Variants in BAG2 observed in about 807,000 individuals in gnomAD.
The protein encoded by BAG2 is BAG cochaperone 2.
Under a neutral mutation model 16.4 loss-of-function variants are expected in BAG2, and 8 were observed. The ratio of observed to expected loss-of-function variants is 0.49; its 90% CI spans 0.29 to 0.88. The LOEUF (loss-of-function observed/expected upper bound fraction) is 0.88. Among genes scored for constraint, BAG2 ranks in the 40% least tolerant of loss-of-function variants. BAG2 has a pLI of 0.09. For missense variants in BAG2, 218 were observed against 248.9 expected (o/e 0.88, Z 0.84); for synonymous variants, 82 against 89.2 (o/e 0.92, Z 0.46).
chr6:57,172,592 G>A lies in BAG2; in HGVS notation c.-106G>A. 3.1e-6 allele frequency: 3 copies of A among 954,318 alleles called. No homozygotes were observed. Among genetic ancestry groups the A allele is most frequent in the Middle Eastern group, 7.3e-4 (2 of 2,728 alleles). The allele number at this position is 954,318 out of a possible 1,614,324, so 59.1% of individuals were successfully genotyped here. ...TGCCCCCGCGGGCGTCAGAGGGAGG[G>A]CGGGCGCCCGCGTGGTGACGGCGAC... On this transcript the variant is annotated 5_prime_UTR_variant, in exon 1 of 3. Transcript: ENST00000370693.
intron 1 of BAG2, chr6:57,174,333 T>C: frequency 7.7e-7 from 1 of 1,304,152 alleles, no homozygotes. Context: ...AGGTTGTTAC[T>C]CCACTCCGCC....
At chr6:57,178,509 T>C (rs1764348286) in intron 1 of BAG2, among the ~76,000 whole-genome samples, 1 of 152,168 alleles carries the variant, frequency 6.6e-6, no homozygotes, top group Non-Finnish European at 1.5e-5. Flanking sequence ...AAACAATTCC[T>C]GCTGAAGCAA....
At chr6:57,174,175 C>T (rs774263270) in intron 1 of BAG2, 32 of 1,077,134 alleles carry the variant, frequency 3.0e-5, no homozygotes, top group Non-Finnish European at 3.5e-5. Flanking sequence ...TACTTGAAGT[C>T]CCTCTAACTG....
In BAG2 at chr6:57,189,551, G is replaced by T. The variant is rs1008360611; in HGVS notation, c.*5361G>T. 1.3e-5 allele frequency: 2 copies of T among 152,272 alleles called. No homozygotes were observed. Among genetic ancestry groups the T allele is most frequent in the African/African-American group, 4.8e-5 (2 of 41,428 alleles). The allele number at this position is 152,272 out of a possible 1,614,324, so 9.4% of individuals were successfully genotyped here. On this transcript the variant is annotated 3_prime_UTR_variant, in exon 3 of 3. Transcript: ENST00000370693. ...TTTGGCTGACCTTATGAGAGCAGGA[G>T]CTCACCATGCTTATGGGTGACTATA...
chr6:57,178,675 A>C (rs910781739), intron 1 of BAG2, among the ~76,000 whole-genome samples: 1 of 152,150 alleles, frequency 6.6e-6, no homozygotes, highest in Non-Finnish European at 1.5e-5. Context: ...GAAATGAAAA[A>C]GGTATACATA....
intron 1 of BAG2, among the ~76,000 whole-genome samples, chr6:57,177,823 A>G (rs1196638797): frequency 6.6e-6 from 1 of 152,066 alleles, no homozygotes; most frequent in Non-Finnish European, 1.5e-5. Flanking sequence ...TTTGCGCAAA[A>G]TTGCTGTTGT....
intron 1 of BAG2, among the ~76,000 whole-genome samples, chr6:57,177,519 A>G (rs1764315012): frequency 1.3e-5 from 2 of 152,226 alleles, no homozygotes. Context: ...ATCATTAATA[A>G]ATAAGCCCAC....
Position 57,187,402 on chromosome 6 carries a change from A to G in BAG2, c.*3212A>G, listed in dbSNP as rs1764642486. On this transcript the variant is annotated 3_prime_UTR_variant, in exon 3 of 3. Coordinates refer to ENST00000370693, the MANE Select transcript of BAG2 (RefSeq NM_004282.4). ...ATGATGAGAGACTTACATGTTTTATAGCTGAAAACCTAAGGAGTGACAATA... is the reference window on the plus strand; with the variant it reads ...ATGATGAGAGACTTACATGTTTTATGGCTGAAAACCTAAGGAGTGACAATA... The G allele has an allele frequency of 1.3e-5, 2 of 152,322 alleles. No individual in the cohort carries two copies. The highest frequency in any genetic ancestry group is 3.4e-3 in the Middle Eastern group (1 of 294). 9.4% of individuals were successfully genotyped at this position (152,322 alleles called of 1,614,324 possible).
chr6:57,174,284 C>A, intron 1 of BAG2: 1 of 1,301,792 alleles, frequency 7.7e-7, no homozygotes. Flanking sequence ...ATTCTCCTCT[C>A]CCTTAGCCAG....
chr6:57,187,389 T>C lies in BAG2; in HGVS notation c.*3199T>C, dbSNP rs1478982247. On this transcript the variant is annotated 3_prime_UTR_variant, in exon 3 of 3. Transcript: ENST00000370693. ...TGAATTCATCTGTATGATGAGAGAC[T>C]TACATGTTTTATAGCTGAAAACCTA... 1 of 152,170 alleles carries C rather than the reference T, an allele frequency of 6.6e-6. No homozygotes were observed. The highest frequency in any genetic ancestry group is 1.5e-5 in the Non-Finnish European group (1 of 68,026). 9.4% of individuals were successfully genotyped at this position (152,170 alleles called of 1,614,324 possible).
chr6:57,178,215 A>G (rs1292126302), intron 1 of BAG2, among the ~76,000 whole-genome samples: 1 of 152,212 alleles, frequency 6.6e-6, no homozygotes, highest in African/African-American at 2.4e-5. Context: ...CCAGACGAAA[A>G]TAACAGAAGG....
In BAG2 at chr6:57,183,772, T is replaced by G; in HGVS notation, c.224-6T>G. The G allele has an allele frequency of 6.5e-7, 1 of 1,547,336 alleles. No individual in the cohort carries two copies. The highest frequency in any genetic ancestry group is 2.0e-5 in the Admixed American group (1 of 49,014). ...AGATAAGTTTACATCTCATATTGAT[T>G]TTTAGGAGAAAGAGAAGAATTAAAT... On this transcript the variant is annotated splice_region_variant and splice_polypyrimidine_tract_variant and intron_variant, in intron 2 of 2. Coordinates refer to ENST00000370693, the MANE Select transcript of BAG2 (RefSeq NM_004282.4).
Position 57,187,444 on chromosome 6 carries a change from T to TAACA in BAG2, c.*3255_*3258dup, listed in dbSNP as rs963867414. On this transcript the variant is annotated 3_prime_UTR_variant, in exon 3 of 3. Coordinates refer to ENST00000370693, the MANE Select transcript of BAG2 (RefSeq NM_004282.4). ...GTGACAATAGTACATGTGACATTCT[T>TAACA]AACAGTTAAAAACTGAGTAAGTCCT... The TAACA allele has an allele frequency of 6.6e-6, 1 of 152,188 alleles. No individual in the cohort carries two copies. The highest frequency in any genetic ancestry group is 2.4e-5 in the African/African-American group (1 of 41,454). 9.4% of individuals were successfully genotyped at this position (152,188 alleles called of 1,614,324 possible). A position where few individuals can be genotyped will look rare whatever the true frequency, so the allele number is the denominator to read the frequency against.
rs1405576185 is a variant in BAG2 at position 57,172,824 on chromosome 6, G to T, written c.113+14G>T. The T allele has an allele frequency of 6.8e-6, 10 of 1,478,814 alleles. No homozygotes were observed. The highest frequency in any genetic ancestry group is 8.1e-6 in the Non-Finnish European group (9 of 1,112,342). The allele number at this position is 1,478,814 out of a possible 1,614,324, so 91.6% of individuals were successfully genotyped here. A position where few individuals can be genotyped will look rare whatever the true frequency, so the allele number is the denominator to read the frequency against. ...GCTGGAGCTCAGGTGAGCTCCGGGCGGGCGGTCTCGGGCGTTCTGCTCGCC... is the reference window on the plus strand; with the variant it reads ...GCTGGAGCTCAGGTGAGCTCCGGGCTGGCGGTCTCGGGCGTTCTGCTCGCC... On this transcript the variant is annotated intron_variant, in intron 1 of 2. Transcript: ENST00000370693.
rs199562219 is a variant in BAG2 at position 57,183,757 on chromosome 6, A to G, written c.224-21A>G. 5.6e-4 allele frequency: 858 copies of G among 1,528,240 alleles called. 1 individual carries two copies. The highest frequency in any genetic ancestry group is 7.0e-4 in the Middle Eastern group (4 of 5,690). The allele number at this position is 1,528,240 out of a possible 1,614,324, so 94.7% of individuals were successfully genotyped here. On this transcript the variant is annotated intron_variant, in intron 2 of 2. Coordinates refer to ENST00000370693, the MANE Select transcript of BAG2 (RefSeq NM_004282.4). ...TAATGTTTTTGACACAGATAAGTTT[A>G]CATCTCATATTGATTTTTAGGAGAA...
intron 1 of BAG2, 70 bp downstream of exon 1, chr6:57,172,880 G>A: frequency 7.7e-7 from 1 of 1,292,054 alleles, no homozygotes; most frequent in Non-Finnish European, 1.0e-6. Context: ...GTTAGCGGAC[G>A]GAGGCCGCGT....
At chr6:57,178,605 A>G (rs950170062) in intron 1 of BAG2, among the ~76,000 whole-genome samples, 1 of 152,222 alleles carries the variant, frequency 6.6e-6, no homozygotes, top group African/African-American at 2.4e-5. Context: ...TGAAAAGCCC[A>G]TGTTGCCAAA....
At chr6:57,173,032 G>A in intron 1 of BAG2, 6 of 724,490 alleles carry the variant, frequency 8.3e-6, no homozygotes. Flanking sequence ...TTCGATTTAA[G>A]CTAAACCTGT....
intron 1 of BAG2, chr6:57,173,083 G>C (rs1764173111): frequency 1.6e-5 from 15 of 941,428 alleles, no homozygotes; most frequent in Non-Finnish European, 2.0e-5. Context: ...AATTTACCTA[G>C]GTGTTAGGGA....
Sources: allele counts gnomAD v4.1 joint callset (sites outside exome capture counted in the v4.1 genomes callset), GRCh38; gene constraint gnomAD v4.1.1; transcripts MANE v1.5; gene names NCBI Gene and HGNC (gene_info 2026-07-23, HGNC 2026-07-21).